Variants in AFG2A observed in about 807,000 individuals in gnomAD.
AFG2A encodes AAA ATPase AFG2A, also known as ATPase family gene 2 protein homolog A.
At chr4:123,260,538 CT>C in the AFG2A span, among the ~76,000 whole-genome samples, 2 of 152,170 alleles carry the variant, frequency 1.3e-5, no homozygotes, top group East Asian at 3.8e-4. Flanking sequence ...AACGTTTTTT[CT>C]GACATCTCTT....
chr4:122,978,271 C>T, the AFG2A span, among the ~76,000 whole-genome samples: 7 of 151,392 alleles, frequency 4.6e-5, no homozygotes, highest in African/African-American at 7.3e-5. Flanking sequence ...TACTTCTCAG[C>T]GGAGAGGAGA....
chr4:123,054,447 C>T, the AFG2A span, among the ~76,000 whole-genome samples: 3 of 151,312 alleles, frequency 2.0e-5, no homozygotes, highest in East Asian at 1.9e-4. Flanking sequence ...AAGTCATTAT[C>T]GTGAACATCA....
chr4:123,306,755 C>T, the AFG2A span, among the ~76,000 whole-genome samples: 3 of 152,280 alleles, frequency 2.0e-5, no homozygotes, highest in East Asian at 3.9e-4. Context: ...CGGGGTTTCA[C>T]CCTGTTGGCC....
the AFG2A span, among the ~76,000 whole-genome samples, chr4:123,174,122 A>G: frequency 6.6e-6 from 1 of 152,368 alleles, no homozygotes; most frequent in Admixed American, 6.5e-5. Flanking sequence ...TATACTGTCA[A>G]TAGTTTCAAG....
the AFG2A span, among the ~76,000 whole-genome samples, chr4:122,989,014 A>G: frequency 6.6e-6 from 1 of 151,244 alleles, no homozygotes; most frequent in African/African-American, 2.4e-5. Context: ...CATTTTTTTC[A>G]TGCATTGTTT....
At chr4:123,164,290 C>T in the AFG2A span, among the ~76,000 whole-genome samples, 1 of 152,186 alleles carries the variant, frequency 6.6e-6, no homozygotes, top group Non-Finnish European at 1.5e-5. Flanking sequence ...CTAATTATTT[C>T]ATGTGTGTAA....
At chr4:122,987,046 G>A in the AFG2A span, among the ~76,000 whole-genome samples, 1 of 152,084 alleles carries the variant, frequency 6.6e-6, no homozygotes, top group Non-Finnish European at 1.5e-5. Flanking sequence ...TCCAGTTAAT[G>A]AATTGACTCT....
the AFG2A span, among the ~76,000 whole-genome samples, chr4:122,931,735 T>G: frequency 6.6e-6 from 1 of 152,268 alleles, no homozygotes; most frequent in South Asian, 2.1e-4. Context: ...CCCTATCACT[T>G]CCATTCTCTG....
At chr4:122,966,310 T>C in the AFG2A span, among the ~76,000 whole-genome samples, 1 of 152,330 alleles carries the variant, frequency 6.6e-6, no homozygotes, top group African/African-American at 2.4e-5. Context: ...TGTTCTTTTC[T>C]CCTTTCTAAC....
the AFG2A span, among the ~76,000 whole-genome samples, chr4:122,931,925 C>T: frequency 6.6e-6 from 1 of 152,148 alleles, no homozygotes; most frequent in Non-Finnish European, 1.5e-5. Flanking sequence ...TTTGCAAATA[C>T]AGCATCCACA....
At chr4:123,217,249 C>A in the AFG2A span, among the ~76,000 whole-genome samples, 40 of 152,208 alleles carry the variant, frequency 2.6e-4, no homozygotes, top group African/African-American at 9.6e-4. Flanking sequence ...GGAGTAAATG[C>A]CTTTTGACAG....
chr4:122,947,366 A>G, the AFG2A span: 1 of 1,614,124 alleles, frequency 6.2e-7, no homozygotes, highest in Non-Finnish European at 8.5e-7. Flanking sequence ...GACCGGCTAG[A>G]TATTCTCCAG....
At chr4:123,187,393 A>G in the AFG2A span, among the ~76,000 whole-genome samples, 1 of 152,326 alleles carries the variant, frequency 6.6e-6, no homozygotes, top group East Asian at 1.9e-4. Context: ...TATTAAGGGC[A>G]TTGAGTTACC....
chr4:122,963,239 T>A, the AFG2A span, among the ~76,000 whole-genome samples: 12 of 152,316 alleles, frequency 7.9e-5, no homozygotes, highest in Admixed American at 5.9e-4. Flanking sequence ...GTTATGTGAA[T>A]GATCAGGGTG....
the AFG2A span, among the ~76,000 whole-genome samples, chr4:122,956,320 T>C: frequency 6.6e-6 from 1 of 152,212 alleles, no homozygotes; most frequent in African/African-American, 2.4e-5. Context: ...TGAATCCTCC[T>C]ACCAACCCTG....
chr4:122,996,804 T>G, the AFG2A span, among the ~76,000 whole-genome samples: 1 of 152,096 alleles, frequency 6.6e-6, no homozygotes, highest in Admixed American at 6.6e-5. Context: ...ACTGAAGGCC[T>G]GAGAACCCAG....
chr4:123,228,786 C>T, the AFG2A span, among the ~76,000 whole-genome samples: 1 of 151,978 alleles, frequency 6.6e-6, no homozygotes, highest in Non-Finnish European at 1.5e-5. Context: ...ATATGATTAA[C>T]ATAAGCCATG....
At chr4:123,249,396 C>T in the AFG2A span, among the ~76,000 whole-genome samples, 1 of 152,164 alleles carries the variant, frequency 6.6e-6, no homozygotes, top group African/African-American at 2.4e-5. Context: ...ATCTTATCTA[C>T]AGCTCCTTTT....
the AFG2A span, among the ~76,000 whole-genome samples, chr4:123,224,362 C>A: frequency 2.6e-5 from 4 of 151,848 alleles, no homozygotes; most frequent in Non-Finnish European, 5.9e-5. Context: ...CCTCCACCCT[C>A]CCCCCATCCC....
Sources: gnomAD v4.1 joint callset for allele counts (sites outside exome capture counted in the v4.1 genomes callset) on GRCh38, gnomAD v4.1.1 for gene constraint, MANE v1.5 for transcripts, NCBI Gene and HGNC (gene_info 2026-07-23, HGNC 2026-07-21) for gene names.